Variants in CCSER1 observed in about 807,000 individuals in gnomAD.
The protein encoded by CCSER1 is serine-rich coiled-coil domain-containing protein 1.
In CCSER1, 41 loss-of-function variants were observed where a neutral mutation model predicts 82.0. That is an observed-to-expected ratio of 0.50 (90% CI 0.39 to 0.65). CCSER1 has a LOEUF of 0.65. CCSER1 is among the 30% of genes least tolerant of loss of function. The pLI is 0.00. For missense variants in CCSER1, 1,119 were observed against 1,064.2 expected, an observed-to-expected ratio of 1.05 and a Z score of -0.72; for synonymous variants, 414 against 383.9, an observed-to-expected ratio of 1.08 and a Z score of -0.92.
chr4:90,345,542 G>T (rs1334497397), intron 3 of CCSER1, among the ~76,000 whole-genome samples: 8 of 152,028 alleles, frequency 5.3e-5, no homozygotes, highest in Non-Finnish European at 1.0e-4. Flanking sequence ...TTGAAAATAT[G>T]CAGTATGAAA....
At chr4:90,940,715 C>T (rs1289061525) in intron 9 of CCSER1, among the ~76,000 whole-genome samples, 1 of 152,034 alleles carries the variant, frequency 6.6e-6, no homozygotes, top group Non-Finnish European at 1.5e-5. Flanking sequence ...GCATGTTTGT[C>T]CAAAATGTTC....
chr4:90,506,973 G>A (rs11097253), intron 5 of CCSER1, among the ~76,000 whole-genome samples: 41,100 of 151,934 alleles, frequency 0.27, 8,328 homozygotes, highest in African/African-American at 0.57. Flanking sequence ...ACGCACTCTC[G>A]TTTCAGTTCT....
chr4:90,916,760 C>T (rs1417549595), intron 8 of CCSER1, among the ~76,000 whole-genome samples: 1 of 152,106 alleles, frequency 6.6e-6, no homozygotes, highest in Admixed American at 6.6e-5. Context: ...TTGCAATCTA[C>T]TCATCTGACA....
At chr4:90,153,456 G>C (rs1317333830) in intron 1 of CCSER1, among the ~76,000 whole-genome samples, 1 of 149,610 alleles carries the variant, frequency 6.7e-6, no homozygotes, top group Non-Finnish European at 1.5e-5. Context: ...CTGAGGAATC[G>C]CCACACTGAC....
chr4:90,516,193 A>G (rs1578912142), intron 5 of CCSER1, among the ~76,000 whole-genome samples: 1 of 152,332 alleles, frequency 6.6e-6, no homozygotes, highest in East Asian at 1.9e-4. Context: ...CAGGTCATGA[A>G]TAAGAGAAGA....
chr4:91,294,152 A>C (rs1743980127), intron 10 of CCSER1, among the ~76,000 whole-genome samples: 1 of 152,024 alleles, frequency 6.6e-6, no homozygotes, highest in Non-Finnish European at 1.5e-5. Flanking sequence ...TTCTTAAAGA[A>C]ACTATAGTTC....
At chr4:90,935,283 G>C (rs1440928212) in intron 9 of CCSER1, among the ~76,000 whole-genome samples, 1 of 151,942 alleles carries the variant, frequency 6.6e-6, no homozygotes, top group African/African-American at 2.4e-5. Flanking sequence ...GGGGGTGAGT[G>C]AGTTCTCACT....
chr4:91,492,659 A>G (rs1560713610), intron 10 of CCSER1, among the ~76,000 whole-genome samples: 1 of 152,070 alleles, frequency 6.6e-6, no homozygotes, highest in East Asian at 1.9e-4. Context: ...TGTAACAAAG[A>G]TGTTGTTGAA....
intron 10 of CCSER1, among the ~76,000 whole-genome samples, chr4:91,198,575 G>A (rs1346034555): frequency 2.0e-5 from 3 of 151,988 alleles, no homozygotes; most frequent in East Asian, 1.9e-4. Flanking sequence ...GTAGTAACGG[G>A]GATAGAATCT....
intron 7 of CCSER1, among the ~76,000 whole-genome samples, chr4:90,769,573 C>A (rs890986063): frequency 2.0e-5 from 3 of 152,156 alleles, no homozygotes; most frequent in African/African-American, 7.2e-5. Flanking sequence ...GCCATTCCCC[C>A]CTTTCTGAAC....
intron 3 of CCSER1, among the ~76,000 whole-genome samples, chr4:90,352,152 G>A (rs981567191): frequency 6.6e-5 from 10 of 151,936 alleles, no homozygotes; most frequent in East Asian, 3.9e-4. Context: ...GTGAAACCCC[G>A]TCTGTACTAA....
At chr4:91,519,841 G>A (rs939661782) in intron 10 of CCSER1, among the ~76,000 whole-genome samples, 2 of 152,150 alleles carry the variant, frequency 1.3e-5, no homozygotes, top group African/African-American at 2.4e-5. Context: ...TCGCCTGGAT[G>A]TTTCAGTTGA....
chr4:90,993,575 T>G lies in CCSER1; in HGVS notation c.2172+70128T>G, dbSNP rs188643995. Among the ~76,000 whole-genome samples, 7 of 152,170 alleles carry G rather than the reference T, an allele frequency of 4.6e-5. No individual in the cohort carries two copies. In the East Asian group the frequency reaches 5.8e-4, roughly 13 times the overall value. On this transcript the variant is annotated intron_variant, in intron 9 of 10. Coordinates refer to ENST00000509176, the MANE Select transcript of CCSER1 (RefSeq NM_001145065.2). ...ATAAGAAATACATAGACTGGATGGC[T>G]TAAACAACAAACATTTAATTCTCAT...
At chr4:91,435,432 C>A (rs906986491) in intron 10 of CCSER1, among the ~76,000 whole-genome samples, 1 of 109,138 alleles carries the variant, frequency 9.2e-6, no homozygotes, top group African/African-American at 3.2e-5. Flanking sequence ...CAGAGTGAGA[C>A]CCTGTCTCAA....
chr4:91,015,942 T>A (rs1340355136), intron 9 of CCSER1, among the ~76,000 whole-genome samples: 1 of 152,008 alleles, frequency 6.6e-6, no homozygotes, highest in Non-Finnish European at 1.5e-5. Flanking sequence ...TGTGTAAATG[T>A]GAAAAATTAT....
At chr4:90,864,487 C>T (rs868003309) in intron 8 of CCSER1, among the ~76,000 whole-genome samples, 1 of 151,908 alleles carries the variant, frequency 6.6e-6, no homozygotes, top group African/African-American at 2.4e-5. Context: ...CTGGCAAGCT[C>T]TCTCTCCATG....
chr4:91,307,019 G>C (rs1745115345), intron 10 of CCSER1, among the ~76,000 whole-genome samples: 1 of 151,704 alleles, frequency 6.6e-6, no homozygotes, highest in Admixed American at 6.6e-5. Context: ...AAATACTTTA[G>C]GGCTAAAGAT....
chr4:90,649,894 C>T (rs570275432), intron 6 of CCSER1, among the ~76,000 whole-genome samples: 6 of 152,138 alleles, frequency 3.9e-5, no homozygotes, highest in African/African-American at 9.6e-5. Context: ...ATCACGAGGT[C>T]GGGAGTTTGA....
At chr4:90,411,407 A>C (rs1386446425) in intron 4 of CCSER1, among the ~76,000 whole-genome samples, 2 of 152,342 alleles carry the variant, frequency 1.3e-5, no homozygotes, top group East Asian at 3.9e-4. Flanking sequence ...CCAGCAACAC[A>C]TCAAAATCTT....
Sources: allele counts gnomAD v4.1 joint callset (sites outside exome capture counted in the v4.1 genomes callset), GRCh38; gene constraint gnomAD v4.1.1; transcripts MANE v1.5; gene names NCBI Gene and HGNC (gene_info 2026-07-23, HGNC 2026-07-21).